Variants in PCDHA4 observed in about 807,000 individuals in gnomAD.
PCDHA4 encodes protocadherin alpha-4.
A neutral mutation model predicts 61.4 loss-of-function variants in PCDHA4; 49 were observed. That is an observed-to-expected ratio of 0.80 (90% CI 0.63 to 1.01). The LOEUF (loss-of-function observed/expected upper bound fraction) is 1.01, where lower values mean the gene tolerates loss of function less well. Among genes scored for constraint, PCDHA4 ranks in the 50% least tolerant of loss-of-function variants. PCDHA4 has a pLI of 0.00. For missense variants in PCDHA4, 1,254 were observed against 1,235.8 expected, an observed-to-expected ratio of 1.01 and a Z score of -0.22; for synonymous variants, 590 against 550.3, an observed-to-expected ratio of 1.07 and a Z score of -1.01.
In PCDHA4 at chr5:140,849,253, A is replaced by G. The variant is rs2150433533; in HGVS notation, c.2385+39681A>G. 179 of 1,102,320 alleles carry G rather than the reference A, an allele frequency of 1.6e-4. 8 individuals carry two copies. Among genetic ancestry groups the G allele is most frequent in the Middle Eastern group, 1.5e-3 (5 of 3,306 alleles). The allele number at this position is 1,102,320 out of a possible 1,614,324, so 68.3% of individuals were successfully genotyped here. On this transcript the variant is annotated intron_variant, in intron 1 of 3. Coordinates refer to ENST00000530339, the MANE Select transcript of PCDHA4 (RefSeq NM_018907.4). ...ACCCTGTATACGGTGAAATTACCAG[A>G]AAACGTTTCTATCGGAACGCTGGTG...
rs782157769 is a variant in PCDHA4, at chr5:140,877,409, G to T, written c.2385+67837G>T. On this transcript the variant is annotated intron_variant, in intron 1 of 3. Coordinates refer to ENST00000530339, the MANE Select transcript of PCDHA4 (RefSeq NM_018907.4). ...GATGAGGCGGACGCTCCGCGCCACC[G>T]CCTGCTGGTGCTGGTGAAGGACCAC... 11 of 1,613,802 alleles carry T rather than the reference G, an allele frequency of 6.8e-6. No homozygotes were observed. The African/African-American group carries it at 1.3e-4, about 20-fold the overall frequency.
chr5:140,854,644 T>C (rs1213707122), intron 1 of PCDHA4: 1 of 150,056 alleles, frequency 6.7e-6, no homozygotes, highest in African/African-American at 2.4e-5. Flanking sequence ...AAAACATCAT[T>C]AAATAAAATA....
Position 140,808,556 on chromosome 5 carries a change from C to A in PCDHA4, c.1369C>A (p.Gln457Lys). 2 of 1,614,130 alleles carry A rather than the reference C, an allele frequency of 1.2e-6. No individual in the cohort carries two copies. Among genetic ancestry groups the A allele is most frequent in the Admixed American group, 3.3e-5 (2 of 60,032 alleles). Residue 457 changes from glutamine to lysine, a missense_variant, in exon 1 of 4, where the codon CAG (glutamine) becomes AAG (lysine). Gln to Lys is a moderately conservative substitution (Grantham distance 53). Coordinates refer to ENST00000530339, the MANE Select transcript of PCDHA4 (RefSeq NM_018907.4). ...DVNDNAPAFA[Q>K]PEYTVFVKEN... ...GAACGACAACGCTCCGGCGTTCGCG[C>A]AGCCCGAGTACACAGTGTTCGTGAA... is the stretch of plus-strand genomic sequence containing the variant.
In PCDHA4 at chr5:140,982,506, C is replaced by T. The variant is rs139355257; in HGVS notation, c.2476C>T (p.Arg826Trp). The change falls in exon 3 of 4, where the codon CGG (arginine) becomes TGG (tryptophan). Residue 826 changes from arginine to tryptophan, a missense_variant. Arg to Trp is a moderately radical substitution (Grantham distance 101). Coordinates refer to ENST00000530339, the MANE Select transcript of PCDHA4 (RefSeq NM_018907.4). ...GCACCTAGAGGAGGCTGGCATTCTACGGGCTGGTCCAGGAGGGCCTGATCA... is the reference window on the plus strand; with the variant it reads ...GCACCTAGAGGAGGCTGGCATTCTATGGGCTGGTCCAGGAGGGCCTGATCA... The part of the protein sequence containing the change: ...SVHLEEAGIL[R>W]AGPGGPDQQW... The T allele has an allele frequency of 3.5e-5, 57 of 1,614,162 alleles. No individual in the cohort carries two copies. Among genetic ancestry groups the T allele is most frequent in the Middle Eastern group, 3.3e-4 (2 of 6,058 alleles).
intron 1 of PCDHA4, among the ~76,000 whole-genome samples, chr5:140,820,831 T>G (rs1040425267): frequency 6.6e-6 from 1 of 152,078 alleles, no homozygotes; most frequent in South Asian, 2.1e-4. Context: ...GCTTTATCAG[T>G]AATAGCAACT....
At chr5:140,866,405 A>G (rs2049336607) in intron 1 of PCDHA4, 1 of 152,116 alleles carries the variant, frequency 6.6e-6, no homozygotes, top group Admixed American at 6.6e-5. Context: ...TCCCATGAAA[A>G]TCTTCAAATG....
At chr5:140,815,435 T>G (rs1765725107) in intron 1 of PCDHA4, 1 of 152,166 alleles carries the variant, frequency 6.6e-6, no homozygotes, top group Non-Finnish European at 1.5e-5. Context: ...TGATAGCATC[T>G]TTACTACAAT....
intron 1 of PCDHA4, chr5:140,884,825 T>C (rs543714024): frequency 1.0e-6 from 1 of 967,424 alleles, no homozygotes; most frequent in Non-Finnish European, 1.5e-6. Flanking sequence ...CATTATGTGT[T>C]GGATTATCCT....
intron 1 of PCDHA4, among the ~76,000 whole-genome samples, chr5:140,899,127 C>G (rs1487430888): frequency 2.0e-4 from 30 of 152,302 alleles, no homozygotes; most frequent in African/African-American, 7.0e-4. Context: ...ACAATCATGT[C>G]TTCTGCAAAC....
intron 1 of PCDHA4, chr5:140,882,163 GC>G: frequency 6.6e-7 from 1 of 1,509,690 alleles, no homozygotes; most frequent in Non-Finnish European, 8.9e-7. Flanking sequence ...AATACCTCTT[GC>G]GAATCCTTCC....
At chr5:140,850,791 A>C in intron 1 of PCDHA4, 1 of 1,598,378 alleles carries the variant, frequency 6.3e-7, no homozygotes, top group Non-Finnish European at 8.6e-7. Flanking sequence ...GGGTAAGCAG[A>C]AGACCGACCT....
intron 1 of PCDHA4, chr5:140,829,711 G>T (rs2150173108): frequency 1.9e-6 from 3 of 1,613,460 alleles, no homozygotes; most frequent in Non-Finnish European, 1.7e-6. Flanking sequence ...CGCGCGACGC[G>T]GGCGTGCCGC....
rs1554124470 is a variant in PCDHA4, at chr5:140,808,251, T to C, written c.1064T>C (p.Leu355Ser). The change falls in exon 1 of 4, where the codon TTA (leucine) becomes TCA (serine). Residue 355 changes from leucine to serine, a missense_variant. By Grantham distance (145) the Leu-to-Ser change is moderately radical. Coordinates refer to ENST00000530339, the MANE Select transcript of PCDHA4 (RefSeq NM_018907.4). ...GTCCCAGATTTGGAATTCAAGTCTT[T>C]ATCACTTCCAATTAGAGAGGACGCT... ...DNVPDLEFKS[L>S]SLPIREDAPL... 3 of 1,614,234 alleles carry C rather than the reference T, an allele frequency of 1.9e-6. No individual in the cohort carries two copies. The highest frequency in any genetic ancestry group is 1.7e-6 in the Non-Finnish European group (2 of 1,180,042).
intron 3 of PCDHA4, among the ~76,000 whole-genome samples, chr5:140,984,413 CAGAGAT>C (rs1244237847): frequency 1.3e-5 from 2 of 152,148 alleles, no homozygotes; most frequent in African/African-American, 4.8e-5. Context: ...ATCTTTTTTA[CAGAGAT>C]AGAGAAGGGG....
rs148596731 is a variant in PCDHA4 at position 141,000,361 on chromosome 5, GTCTCTCTCTCTC to G, written c.2534-9242_2534-9231del. Among the ~76,000 whole-genome samples, 60 of 26,440 alleles carry G rather than the reference GTCTCTCTCTCTC, an allele frequency of 2.3e-3. 1 individual carries two copies. Among genetic ancestry groups the G allele is most frequent in the Admixed American group, 5.8e-3 (10 of 1,730 alleles). The allele number at this position is 26,440 out of a possible 152,430, so 17.3% of individuals were successfully genotyped here. On this transcript the variant is annotated intron_variant, in intron 3 of 3. Transcript: ENST00000530339. ...CCTATCTCTCTCTCTGTCTCTCTCT[GTCTCTCTCTCTC>G]TCTCTCTCTCTCTCTCTCTCTCTAT...
intron 1 of PCDHA4, chr5:140,823,708 C>T (rs1430700090): frequency 1.5e-5 from 25 of 1,613,828 alleles, no homozygotes; most frequent in Non-Finnish European, 2.0e-5. Flanking sequence ...ACCGCGCCAC[C>T]GCCTTCTGGT....
intron 1 of PCDHA4, among the ~76,000 whole-genome samples, chr5:140,886,732 A>C (rs1457707116): frequency 3.9e-5 from 6 of 151,952 alleles, no homozygotes; most frequent in Non-Finnish European, 8.8e-5. Flanking sequence ...AGGCTGAAGC[A>C]AGAGAATTGC....
At chr5:140,998,389 C>T (rs1386157244) in intron 3 of PCDHA4, among the ~76,000 whole-genome samples, 3 of 152,128 alleles carry the variant, frequency 2.0e-5, no homozygotes, top group Non-Finnish European at 4.4e-5. Flanking sequence ...AAGTTTAATG[C>T]CATCTTTATG....
At chr5:140,883,830 A>G in intron 1 of PCDHA4, 5 of 1,612,532 alleles carry the variant, frequency 3.1e-6, no homozygotes, top group Non-Finnish European at 4.2e-6. Context: ...TACGCGCTGC[A>G]GCCGTTGGAC....
Sources: allele counts gnomAD v4.1 joint callset (sites outside exome capture counted in the v4.1 genomes callset), GRCh38; gene constraint gnomAD v4.1.1; transcripts MANE v1.5; gene names NCBI Gene and HGNC (gene_info 2026-07-23, HGNC 2026-07-21).